The following MED29 variants were observed in gnomAD, a reference collection of about 807,000 sequenced individuals.
MED29 encodes mediator of RNA polymerase II transcription subunit 29.
MED29 carries 14 observed loss-of-function variants against 22.0 expected under a neutral mutation model. The observed-to-expected ratio is 0.64, with a 90% CI of 0.42 to 0.99. The LOEUF (loss-of-function observed/expected upper bound fraction) is 0.99. MED29 is among the 50% of genes least tolerant of loss of function. The pLI is 0.00. For missense variants in MED29, 241 were observed against 253.7 expected, an observed-to-expected ratio of 0.95 and a Z score of 0.34; for synonymous variants, 123 against 107.8, an observed-to-expected ratio of 1.14 and a Z score of -0.87.
chr19:39,393,076 CT>C (rs1451765583), intron 2 of MED29, among the ~76,000 whole-genome samples: 5 of 55,296 alleles, frequency 9.0e-5, no homozygotes, highest in Non-Finnish European at 1.0e-4. Context: ...TTCTTTCTTT[CT>C]TTTCTTTTTT....
chr19:39,396,884 C>T (rs1479587046), intron 3 of MED29, among the ~76,000 whole-genome samples: 1 of 151,628 alleles, frequency 6.6e-6, no homozygotes, highest in Admixed American at 6.6e-5. Flanking sequence ...AAAAATTAGC[C>T]GGGTGTGGTG....
rs183699162 is a variant in MED29, at chr19:39,395,118, G to C, written c.360+1481G>C. Among the ~76,000 whole-genome samples the C allele has an allele frequency of 1.2e-3, 189 of 152,284 alleles. 2 individuals carry two copies. Among genetic ancestry groups the C allele is most frequent in the Non-Finnish European group, 1.1e-3 (75 of 68,012 alleles). On this transcript the variant is annotated intron_variant, in intron 3 of 3. Coordinates refer to ENST00000315588, the MANE Select transcript of MED29 (RefSeq NM_017592.4). ...ATTCACCCACCTCAGCCTCCCAAGC[G>C]CTGGGATTACAGACCGCTGTGCCGG...
Position 39,391,643 on chromosome 19 carries a change from T to C in MED29, c.216+5T>C. 2.5e-6 allele frequency: 4 copies of C among 1,580,564 alleles called. No homozygotes were observed. Among genetic ancestry groups the C allele is most frequent in the Non-Finnish European group, 3.4e-6 (4 of 1,160,520 alleles). On this transcript the variant is annotated splice_donor_5th_base_variant and intron_variant, in intron 1 of 3. Coordinates refer to ENST00000315588, the MANE Select transcript of MED29 (RefSeq NM_017592.4). ...CAGCTGAAGGAGAGTCTACAGGTGA[T>C]TGGCCTTAAGCAGCGAGAAGCAAAC...
intron 3 of MED29, among the ~76,000 whole-genome samples, chr19:39,394,397 G>T (rs987632268): frequency 7.9e-5 from 12 of 151,868 alleles, no homozygotes; most frequent in Non-Finnish European, 1.5e-4. Flanking sequence ...AAGTAACTGG[G>T]ACTATAGGCA....
In MED29 at chr19:39,398,331, C is replaced by A; in HGVS notation, c.*632C>A. 1 of 154,556 alleles carries A rather than the reference C, an allele frequency of 6.5e-6. No homozygotes were observed. Among genetic ancestry groups the A allele is most frequent in the Non-Finnish European group, 1.4e-5 (1 of 69,234 alleles). The allele number at this position is 154,556 out of a possible 1,614,324, so 9.6% of individuals were successfully genotyped here. A position where few individuals can be genotyped will look rare whatever the true frequency, so the allele number is the denominator to read the frequency against. The stretch of plus-strand genomic sequence containing the variant: ...GTCCCCCAGCGGCTCGCATGTCAGC[C>A]CAGACCCCAGGGTCCTTGGCCTAGG... On this transcript the variant is annotated 3_prime_UTR_variant, in exon 4 of 4. Coordinates refer to ENST00000315588, the MANE Select transcript of MED29 (RefSeq NM_017592.4).
At chr19:39,391,977 A>G (rs2078385878) in intron 1 of MED29, among the ~76,000 whole-genome samples, 1 of 152,200 alleles carries the variant, frequency 6.6e-6, no homozygotes, top group Admixed American at 6.5e-5. Context: ...GTGAGCCGAC[A>G]TCGTGCCATT....
Position 39,391,641 on chromosome 19 carries a change from G to T in MED29, c.216+3G>T. 1 of 1,581,404 alleles carries T rather than the reference G, an allele frequency of 6.3e-7. No individual in the cohort carries two copies. On this transcript the variant is annotated splice_donor_region_variant and intron_variant, in intron 1 of 3. Coordinates refer to ENST00000315588, the MANE Select transcript of MED29 (RefSeq NM_017592.4). ...CGCAGCTGAAGGAGAGTCTACAGGT[G>T]ATTGGCCTTAAGCAGCGAGAAGCAA...
In MED29 at chr19:39,393,068, CTTTCTTTCTTTTCTT is replaced by C. The variant is rs2078404815; in HGVS notation, c.276-481_276-467del. On this transcript the variant is annotated intron_variant, in intron 2 of 3. Coordinates refer to ENST00000315588, the MANE Select transcript of MED29 (RefSeq NM_017592.4). Reference sequence around the variant, plus strand: ...CCCAGCCTTTTCCTTTTCTTTCTTTCTTTCTTTCTTTTCTTTTTTTTTTTTTTTTTTTTTTTTTTT... The same window carrying C: ...CCCAGCCTTTTCCTTTTCTTTCTTTCTTTTTTTTTTTTTTTTTTTTTTTTT... 5.7e-5 allele frequency among the ~76,000 whole-genome samples: 5 copies of C among 87,596 alleles called. No homozygotes were observed. In the South Asian group the frequency reaches 1.2e-3, roughly 22 times the overall value. 57.5% of individuals were successfully genotyped at this position (87,596 alleles called of 152,430 possible). A position where few individuals can be genotyped will look rare whatever the true frequency, so the allele number is the denominator to read the frequency against.
chr19:39,397,462 G>T lies in MED29; in HGVS notation c.366G>T (p.Leu122=), dbSNP rs1459353405. The T allele has an allele frequency of 6.2e-7, 1 of 1,604,138 alleles. No homozygotes were observed. The highest frequency in any genetic ancestry group is 8.5e-7 in the Non-Finnish European group (1 of 1,179,518). The change falls in exon 4 of 4, where the codon CTG becomes CTT. Residue 122 remains leucine (L), a synonymous_variant. Transcript: ENST00000315588. ...CCTTGCCTGCCTGTCCACAGCGCCT[G>T]GCGCATGAGTGCCTGTCACAGAGTT... ...LCDQLELCLR[L]AHECLSQSCD...
chr19:39,393,081 C>CTTTTTTTTTTTTTTTTTTTTTT (rs142198224), intron 2 of MED29, among the ~76,000 whole-genome samples: 5 of 34,730 alleles, frequency 1.4e-4, no homozygotes, highest in African/African-American at 1.9e-4. Flanking sequence ...TCTTTCTTTT[C>CTTTTTTTTTTTTTTTTTTTTTT]TTTTTTTTTT....
chr19:39,394,553 G>T (rs1316608517), intron 3 of MED29, among the ~76,000 whole-genome samples: 2 of 136,894 alleles, frequency 1.5e-5, no homozygotes, highest in Non-Finnish European at 3.1e-5. Context: ...CACTGCACCC[G>T]GCCTTTTTTT....
intron 3 of MED29, among the ~76,000 whole-genome samples, chr19:39,396,035 A>C (rs2078426754): frequency 6.6e-6 from 1 of 152,186 alleles, no homozygotes; most frequent in Non-Finnish European, 1.5e-5. Flanking sequence ...CCATTAGTGC[A>C]GAGGTGGAAA....
Position 39,398,051 on chromosome 19 carries a change from A to G in MED29, c.*352A>G. The G allele has an allele frequency of 2.0e-6, 1 of 491,232 alleles. No homozygotes were observed. Among genetic ancestry groups the G allele is most frequent in the East Asian group, 3.1e-5 (1 of 31,848 alleles). The allele number at this position is 491,232 out of a possible 1,614,324, so 30.4% of individuals were successfully genotyped here. The stretch of plus-strand genomic sequence containing the variant: ...AGCTGGGAGGTGGTCTCTGTGTGCC[A>G]CTCCTCTGTGTCTCTATTACAGTTG... On this transcript the variant is annotated 3_prime_UTR_variant, in exon 4 of 4. Transcript: ENST00000315588.
intron 1 of MED29, 116 bp downstream of exon 1, chr19:39,391,754 T>C: frequency 7.7e-7 from 1 of 1,293,950 alleles, no homozygotes. Flanking sequence ...ACCTGCTGTT[T>C]TGGCCTGGCT....
In MED29 at chr19:39,393,497, G is replaced by A. The variant is rs1208809966; in HGVS notation, c.276-56G>A. On this transcript the variant is annotated intron_variant, in intron 2 of 3. Transcript: ENST00000315588. The stretch of plus-strand genomic sequence containing the variant: ...ATGGACACTTGGTTGGGTAGATACT[G>A]GTGTCCCAAAGATTAGAAATCAATT... 2.0e-6 allele frequency: 3 copies of A among 1,497,848 alleles called. No homozygotes were observed. In the East Asian group the frequency reaches 6.8e-5, roughly 34 times the overall value. The allele number at this position is 1,497,848 out of a possible 1,614,324, so 92.8% of individuals were successfully genotyped here.
At chr19:39,393,703 G>A (rs1357644948) in intron 3 of MED29, 66 bp downstream of exon 3, 1 of 1,353,332 alleles carries the variant, frequency 7.4e-7, no homozygotes, top group Admixed American at 1.7e-5. Flanking sequence ...TTCAGAAACA[G>A]TCAGTCAGTC....
intron 3 of MED29, among the ~76,000 whole-genome samples, chr19:39,394,237 TATC>T (rs148425213): frequency 0.02 from 3,118 of 152,138 alleles, 118 homozygotes; most frequent in African/African-American, 0.072. Flanking sequence ...TGTACTGTAG[TATC>T]ATCATTATTT....
At chr19:39,392,731 T>A in intron 2 of MED29, 1 of 529,358 alleles carries the variant, frequency 1.9e-6, no homozygotes. Flanking sequence ...AGTTAGGAGA[T>A]CCTCTTGCCT....
At chr19:39,395,042 C>T (rs749755078) in intron 3 of MED29, among the ~76,000 whole-genome samples, 2 of 151,804 alleles carry the variant, frequency 1.3e-5, no homozygotes, top group Non-Finnish European at 2.9e-5. Flanking sequence ...TTTGTAGAGA[C>T]GGGGTTTTGC....
Sources: gnomAD v4.1 joint callset for allele counts (sites outside exome capture counted in the v4.1 genomes callset) on GRCh38, gnomAD v4.1.1 for gene constraint, MANE v1.5 for transcripts, NCBI Gene and HGNC (gene_info 2026-07-23, HGNC 2026-07-21) for gene names.